CTNND2: variants seen among roughly 807,000 people sequenced by gnomAD.
The protein encoded by CTNND2 is catenin delta 2.
Under a neutral mutation model 144.4 loss-of-function variants are expected in CTNND2, and 22 were observed. The observed-to-expected ratio is 0.15, with a 90% CI of 0.11 to 0.22. The LOEUF (loss-of-function observed/expected upper bound fraction) is 0.22. Ranked by LOEUF, CTNND2 falls within the 10% of genes least tolerant of loss-of-function variation. The pLI is 1.00. For missense variants in CTNND2, 1,353 were observed against 1,618.8 expected, an observed-to-expected ratio of 0.84 and a Z score of 2.82; for synonymous variants, 751 against 695.6, an observed-to-expected ratio of 1.08 and a Z score of -1.25.
intron 16 of CTNND2, among the ~76,000 whole-genome samples, chr5:11,044,732 G>A (rs1260401443): frequency 2.0e-5 from 3 of 152,218 alleles, no homozygotes; most frequent in African/African-American, 7.2e-5. Flanking sequence ...TCCAGGAGCA[G>A]AGTGGTGGAC....
chr5:11,855,525 AGAG>A (rs1582011627), intron 1 of CTNND2, among the ~76,000 whole-genome samples: 2 of 152,196 alleles, frequency 1.3e-5, no homozygotes, highest in African/African-American at 4.8e-5. Context: ...AGACCAGTGG[AGAG>A]GAGATCTGTA....
chr5:11,048,850 T>A (rs1303334822), intron 16 of CTNND2, among the ~76,000 whole-genome samples: 1 of 152,204 alleles, frequency 6.6e-6, no homozygotes, highest in Non-Finnish European at 1.5e-5. Context: ...CTGTACAAGA[T>A]CTGGAGCCGG....
At chr5:11,476,800 A>T (rs1767788392) in intron 3 of CTNND2, among the ~76,000 whole-genome samples, 1 of 152,206 alleles carries the variant, frequency 6.6e-6, no homozygotes, top group East Asian at 1.9e-4. Flanking sequence ...AAAAAATAAT[A>T]CTTGACAGCG....
chr5:11,590,842 A>C (rs1471868300), intron 2 of CTNND2, among the ~76,000 whole-genome samples: 2 of 152,144 alleles, frequency 1.3e-5, no homozygotes, highest in Non-Finnish European at 1.5e-5. Context: ...CTTTGCTGAC[A>C]CCTTTCTCAG....
At chr5:11,003,608 A>C (rs1018527539) in intron 18 of CTNND2, among the ~76,000 whole-genome samples, 2 of 152,212 alleles carry the variant, frequency 1.3e-5, no homozygotes, top group African/African-American at 4.8e-5. Context: ...GTGACTAAAG[A>C]CCAAGCCAGA....
intron 3 of CTNND2, among the ~76,000 whole-genome samples, chr5:11,505,275 GA>G (rs1363290821): frequency 3.3e-5 from 5 of 151,690 alleles, no homozygotes; most frequent in Non-Finnish European, 7.4e-5. Context: ...GCTCTTTAAA[GA>G]CGCCAAAACT....
At chr5:11,218,567 A>G (rs1442734567) in intron 10 of CTNND2, among the ~76,000 whole-genome samples, 1 of 152,176 alleles carries the variant, frequency 6.6e-6, no homozygotes, top group Non-Finnish European at 1.5e-5. Flanking sequence ...AGAAACTAGG[A>G]TTGAAAAAAA....
At chr5:11,723,316 T>C (rs11745290) in intron 2 of CTNND2, among the ~76,000 whole-genome samples, 34,255 of 151,968 alleles carry the variant, frequency 0.23, 4,796 homozygotes, top group African/African-American at 0.4. Flanking sequence ...AAGCCTCATA[T>C]TAAACTGAAA....
intron 3 of CTNND2, among the ~76,000 whole-genome samples, chr5:11,421,134 C>T (rs1422503763): frequency 6.6e-6 from 1 of 152,080 alleles, no homozygotes; most frequent in East Asian, 1.9e-4. Flanking sequence ...AATCTGATTT[C>T]CATGCTAAAT....
At chr5:11,262,853 G>A (rs1418984085) in intron 9 of CTNND2, among the ~76,000 whole-genome samples, 1 of 150,896 alleles carries the variant, frequency 6.6e-6, no homozygotes, top group Non-Finnish European at 1.5e-5. Context: ...CCATTCACAG[G>A]CTGAACTTCT....
chr5:11,643,298 A>T lies in CTNND2; in HGVS notation c.175-78242T>A, dbSNP rs189475196. On this transcript the variant is annotated intron_variant, in intron 2 of 21. Transcript: ENST00000304623. Reference sequence around the variant, plus strand: ...TGTACATAATGTGCAGGTTTGTTACATATGTATACATGTGCCATGTTGGTG... The same window carrying T: ...TGTACATAATGTGCAGGTTTGTTACTTATGTATACATGTGCCATGTTGGTG... 6.2e-3 allele frequency among the ~76,000 whole-genome samples: 938 copies of T among 151,430 alleles called. 4 individuals carry two copies. The highest frequency in any genetic ancestry group is 0.017 in the African/African-American group (715 of 41,208).
intron 1 of CTNND2, among the ~76,000 whole-genome samples, chr5:11,744,080 T>C (rs1377411177): frequency 6.6e-6 from 1 of 152,212 alleles, no homozygotes; most frequent in Non-Finnish European, 1.5e-5. Context: ...TCTAGCAAAC[T>C]GCGGTCAGTG....
At chr5:11,250,491 C>CTCTCTCTCTCTCTA (rs869141186) in intron 9 of CTNND2, among the ~76,000 whole-genome samples, 22 of 64,108 alleles carry the variant, frequency 3.4e-4, no homozygotes, top group African/African-American at 1.1e-3. Context: ...CTCTCTCTCT[C>CTCTCTCTCTCTCTA]TATATATATA....
rs111206244 is a variant in CTNND2 at position 11,240,386 on chromosome 5, T to A, written c.1629-3563A>T. On this transcript the variant is annotated intron_variant, in intron 9 of 21. Transcript: ENST00000304623. The stretch of plus-strand genomic sequence containing the variant: ...ACACACACCCAACACACACATACAC[T>A]CACACACCCAACACACACACCCACA... 4.6e-4 allele frequency among the ~76,000 whole-genome samples: 43 copies of A among 93,802 alleles called. 5 individuals are homozygous for A. The highest frequency in any genetic ancestry group is 0.013 in the Middle Eastern group (1 of 80). 61.5% of individuals were successfully genotyped at this position (93,802 alleles called of 152,430 possible).
intron 9 of CTNND2, among the ~76,000 whole-genome samples, chr5:11,253,614 T>C (rs1178542556): frequency 6.6e-6 from 1 of 152,200 alleles, no homozygotes; most frequent in Non-Finnish European, 1.5e-5. Context: ...TCTTTTTCTT[T>C]ATAAATTACC....
chr5:11,182,358 C>G (rs1329930260), intron 11 of CTNND2, among the ~76,000 whole-genome samples: 1 of 151,872 alleles, frequency 6.6e-6, no homozygotes, highest in South Asian at 2.1e-4. Context: ...CACCCACCTT[C>G]GTGTGCACAT....
chr5:11,045,512 C>G (rs1745146984), intron 16 of CTNND2, among the ~76,000 whole-genome samples: 2 of 152,186 alleles, frequency 1.3e-5, no homozygotes, highest in African/African-American at 2.4e-5. Context: ...GGCCCCATCT[C>G]CAACACTGGG....
intron 7 of CTNND2, among the ~76,000 whole-genome samples, chr5:11,366,338 T>C (rs908474073): frequency 2.6e-5 from 4 of 152,156 alleles, no homozygotes; most frequent in Admixed American, 2.6e-4. Context: ...TCCTGAATAA[T>C]TGGAGAAGTG....
chr5:11,541,213 T>C (rs955632806), intron 3 of CTNND2, among the ~76,000 whole-genome samples: 6 of 152,158 alleles, frequency 3.9e-5, no homozygotes, highest in South Asian at 2.1e-4. Context: ...TCAGGCTCCC[T>C]GAGGTTGGTC....
Sources: allele counts gnomAD v4.1 joint callset (sites outside exome capture counted in the v4.1 genomes callset), GRCh38; gene constraint gnomAD v4.1.1; transcripts MANE v1.5; gene names NCBI Gene and HGNC (gene_info 2026-07-23, HGNC 2026-07-21).